The following GOLGB1 variants were observed in gnomAD, a reference collection of about 807,000 sequenced individuals.
GOLGB1 encodes golgin subfamily B member 1.
A neutral mutation model predicts 336.9 loss-of-function variants in GOLGB1; 174 were observed. The ratio of observed to expected loss-of-function variants is 0.52; its 90% confidence interval spans 0.46 to 0.59. GOLGB1 has a LOEUF of 0.59. GOLGB1 is among the 20% of genes least tolerant of loss of function. The probability of loss-of-function intolerance (pLI) is 0.00; values close to 1 mark genes in which losing one functional copy is unlikely to be tolerated. For missense variants in GOLGB1, 3,331 were observed against 3,645.3 expected, an observed-to-expected ratio of 0.91 and a Z score of 2.22; for synonymous variants, 1,208 against 1,289.2, an observed-to-expected ratio of 0.94 and a Z score of 1.35.
In GOLGB1 at chr3:121,692,017, T is replaced by A; in HGVS notation, c.7347A>T (p.Thr2449=). ...TGTTTTCCTTTTTGATGGTTTTCAG[T>A]GTTTCCATAAGCTGATTGGTTTTAT... ...AVDKTNQLME[T]LKTIKKENIQ... is the part of the protein sequence containing the mutation. Residue 2449 remains threonine (T), a synonymous_variant, in exon 14 of 22, where the codon ACA becomes ACT. Coordinates refer to ENST00000614479, the MANE Select transcript of GOLGB1 (RefSeq NM_001366282.2). The A allele has an allele frequency of 1.9e-6, 3 of 1,613,614 alleles. No homozygotes were observed. The highest frequency in any genetic ancestry group is 2.5e-6 in the Non-Finnish European group (3 of 1,179,840).
intron 14 of GOLGB1, among the ~76,000 whole-genome samples, chr3:121,688,452 T>C (rs569948002): frequency 6.6e-5 from 10 of 152,342 alleles, no homozygotes; most frequent in Admixed American, 2.0e-4. Context: ...CCTCCCGAGG[T>C]GCCGGGATTG....
chr3:121,707,637 TAAAAAAAAAAAAGA>T (rs1336663510), intron 10 of GOLGB1, among the ~76,000 whole-genome samples: 1 of 94,470 alleles, frequency 1.1e-5, no homozygotes, highest in East Asian at 2.8e-4. Flanking sequence ...TGTCTCTTAC[TAAAAAAAAAAAAGA>T]AAAAAAAAAA....
In GOLGB1 at chr3:121,681,797, T is replaced by G; in HGVS notation, c.8763A>C (p.Pro2921=). The G allele has an allele frequency of 1.2e-6, 2 of 1,601,166 alleles. No homozygotes were observed. The highest frequency in any genetic ancestry group is 1.7e-6 in the Non-Finnish European group (2 of 1,168,316). ...GATACTCCTGAAGTTGAGCCTTCAG[T>G]GGATGTAACTCAGTGATCTCTTGAT... The part of the protein sequence containing the change: ...QINQEITELH[P]LKAQLQEYQD... The change falls in exon 15 of 22, where the codon CCA becomes CCC. Residue 2921 remains proline, a synonymous_variant. Coordinates refer to ENST00000614479, the MANE Select transcript of GOLGB1 (RefSeq NM_001366282.2).
At position 121,696,185 on chromosome 3, in the gene GOLGB1, T is replaced by C; in HGVS notation, c.4338A>G (p.Thr1446=). 6.2e-7 allele frequency: 1 copy of C among 1,614,100 alleles called. No homozygotes were observed. Among genetic ancestry groups the C allele is most frequent in the Non-Finnish European group, 8.5e-7 (1 of 1,179,962 alleles). ...GCTCTTTGGCTTGCATTTCTAGCTG[T>C]GTATGCAGAGCCTTAATTAAATCTT... is the stretch of plus-strand genomic sequence containing the variant. ...EQEDLIKALH[T]QLEMQAKEHD... Residue 1446 remains threonine (T), a synonymous_variant, in exon 13 of 22, where the codon ACA becomes ACG. Coordinates refer to ENST00000614479, the MANE Select transcript of GOLGB1 (RefSeq NM_001366282.2).
intron 14 of GOLGB1, among the ~76,000 whole-genome samples, chr3:121,683,705 A>AT (rs1941369076): frequency 6.6e-6 from 1 of 152,214 alleles, no homozygotes; most frequent in African/African-American, 2.4e-5. Context: ...AGAAAATGTA[A>AT]TGTACTCAAA....
chr3:121,675,200 C>T (rs973131006), intron 17 of GOLGB1, among the ~76,000 whole-genome samples: 1 of 152,180 alleles, frequency 6.6e-6, no homozygotes, highest in Non-Finnish European at 1.5e-5. Context: ...ATGACAGTGA[C>T]CTATGCAGTG....
intron 15 of GOLGB1, 114 bp from the exon 16 acceptor site, chr3:121,677,564 G>A (rs893050585): frequency 5.7e-6 from 4 of 697,700 alleles, no homozygotes; most frequent in African/African-American, 5.6e-5. Flanking sequence ...AATCTGGAAG[G>A]TAAAGAAAGA....
At chr3:121,749,858 A>T (rs1391875729), upstream of GOLGB1, 1 of 152,650 alleles carries the variant, frequency 6.6e-6, no homozygotes, top group Non-Finnish European at 1.5e-5. Context: ...ATCAACAATG[A>T]CGGAAACCAA....
intron 13 of GOLGB1, among the ~76,000 whole-genome samples, chr3:121,692,990 A>G (rs1942591777): frequency 6.6e-6 from 1 of 152,238 alleles, no homozygotes; most frequent in Non-Finnish European, 1.5e-5. Flanking sequence ...TATTGGAAGT[A>G]AGGAATACAA....
intron 10 of GOLGB1, among the ~76,000 whole-genome samples, chr3:121,706,742 A>AC (rs1943879821): frequency 6.7e-6 from 1 of 148,776 alleles, no homozygotes; most frequent in Non-Finnish European, 1.5e-5. Context: ...TCAAAAAAAA[A>AC]AAAAAAAAAA....
intron 17 of GOLGB1, among the ~76,000 whole-genome samples, chr3:121,673,497 C>G (rs1311230490): frequency 6.6e-6 from 1 of 152,094 alleles, no homozygotes; most frequent in Non-Finnish European, 1.5e-5. Context: ...TGCATTTAAT[C>G]TGTAGATTGC....
At chr3:121,709,554 C>T (rs911192322) in intron 10 of GOLGB1, among the ~76,000 whole-genome samples, 1 of 151,988 alleles carries the variant, frequency 6.6e-6, no homozygotes, top group African/African-American at 2.4e-5. Context: ...TCTACAACAA[C>T]GTGTTTATTT....
chr3:121,748,269 C>T (rs972206286), intron 1 of GOLGB1, among the ~76,000 whole-genome samples: 1 of 152,136 alleles, frequency 6.6e-6, no homozygotes, highest in African/African-American at 2.4e-5. Flanking sequence ...CATTCTTTTA[C>T]GTTTATACTT....
Position 121,697,394 on chromosome 3 carries a change from T to G in GOLGB1, c.3129A>C (p.Glu1043Asp). 8.7e-6 allele frequency: 14 copies of G among 1,613,562 alleles called. No homozygotes were observed. The highest frequency in any genetic ancestry group is 1.2e-5 in the Non-Finnish European group (14 of 1,179,848). The change falls in exon 13 of 22, where the codon GAA becomes GAC. Residue 1043 changes from glutamate (E) to aspartate (D), a missense_variant. Glu to Asp is a conservative substitution (Grantham distance 45). Coordinates refer to ENST00000614479, the MANE Select transcript of GOLGB1 (RefSeq NM_001366282.2). ...AGTATTCTTTGTTTTCTTTATCTTCTTCCACTTCTCCCCTCTCAGTCTCAC... is the reference window on the plus strand; with the variant it reads ...AGTATTCTTTGTTTTCTTTATCTTCGTCCACTTCTCCCCTCTCAGTCTCAC... ...PLSETERGEVEEDKENKEYSE... is the reference protein window; with the variant it reads ...PLSETERGEVDEDKENKEYSE...
chr3:121,736,472 A>C (rs1045092927), intron 1 of GOLGB1, among the ~76,000 whole-genome samples: 1 of 152,212 alleles, frequency 6.6e-6, no homozygotes, highest in African/African-American at 2.4e-5. Context: ...AATCATGAGA[A>C]AACACTGGGA....
In GOLGB1 at chr3:121,694,245, T is replaced by A. The variant is rs1942734403; in HGVS notation, c.6278A>T (p.Gln2093Leu). The stretch of plus-strand genomic sequence containing the variant: ...TGCTAGGACCCTTGCTGCTTCACTT[T>A]GAGTGTCATCTAGCAGGACTTTGAA... Reference protein sequence around the residue: ...ASFKVLLDDTQSEAARVLADN... With the variant: ...ASFKVLLDDTLSEAARVLADN... Residue 2093 changes from glutamine to leucine, a missense_variant, in exon 13 of 22, where the codon CAA becomes CTA. Physicochemically the swap from Gln to Leu is moderately radical, Grantham distance 113. Coordinates refer to ENST00000614479, the MANE Select transcript of GOLGB1 (RefSeq NM_001366282.2). The A allele has an allele frequency of 6.2e-7, 1 of 1,610,704 alleles. No homozygotes were observed. Among genetic ancestry groups the A allele is most frequent in the African/African-American group, 1.3e-5 (1 of 74,950 alleles).
chr3:121,713,931 AATAG>A (rs774006236), intron 10 of GOLGB1, among the ~76,000 whole-genome samples: 11 of 152,242 alleles, frequency 7.2e-5, no homozygotes, highest in Non-Finnish European at 1.5e-4. Context: ...GGGATGAATA[AATAG>A]ATAGACATTT....
chr3:121,683,545 T>C (rs1941348059), intron 14 of GOLGB1, among the ~76,000 whole-genome samples: 1 of 152,118 alleles, frequency 6.6e-6, no homozygotes, highest in Non-Finnish European at 1.5e-5. Flanking sequence ...GCAATGAAAC[T>C]CCGTTGGTAA....
At chr3:121,712,290 C>T (rs997651323) in intron 10 of GOLGB1, among the ~76,000 whole-genome samples, 1 of 152,076 alleles carries the variant, frequency 6.6e-6, no homozygotes, top group Non-Finnish European at 1.5e-5. Context: ...CTTCACCTTA[C>T]AACACACACA....
Sources: gnomAD v4.1 joint callset for allele counts (sites outside exome capture counted in the v4.1 genomes callset) on GRCh38, gnomAD v4.1.1 for gene constraint, MANE v1.5 for transcripts, NCBI Gene and HGNC (gene_info 2026-07-23, HGNC 2026-07-21) for gene names.